DOK6: variants seen among roughly 807,000 people sequenced by gnomAD.
DOK6 encodes the protein downstream of tyrosine kinase 6.
A neutral mutation model predicts 44.0 loss-of-function variants in DOK6; 22 were observed. The ratio of observed to expected loss-of-function variants is 0.50; its 90% CI spans 0.36 to 0.71. DOK6 has a LOEUF of 0.71. DOK6 is among the 30% of genes least tolerant of loss of function. The probability of loss-of-function intolerance (pLI) is 0.00; values close to 1 mark genes in which losing one functional copy is unlikely to be tolerated. For missense variants in DOK6, 340 were observed against 416.4 expected (o/e 0.82, Z 1.60); for synonymous variants, 166 against 145.5 (o/e 1.14, Z -1.01).
At chr18:69,648,439 C>G (rs1985140015) in intron 3 of DOK6, among the ~76,000 whole-genome samples, 2 of 152,018 alleles carry the variant, frequency 1.3e-5, no homozygotes, top group Admixed American at 6.6e-5. Context: ...ACCTCTGAAC[C>G]TAAAATATTT....
chr18:69,756,526 T>A (rs1979361658), intron 6 of DOK6, among the ~76,000 whole-genome samples: 1 of 152,226 alleles, frequency 6.6e-6, no homozygotes, highest in Non-Finnish European at 1.5e-5. Flanking sequence ...GCCTTACTAC[T>A]AAGAAAGTAA....
At chr18:69,736,093 T>A (rs930174709) in intron 5 of DOK6, among the ~76,000 whole-genome samples, 1 of 152,204 alleles carries the variant, frequency 6.6e-6, no homozygotes, top group Non-Finnish European at 1.5e-5. Flanking sequence ...AGTTTGTGAT[T>A]CTTGCTGGCC....
At position 69,456,296 on chromosome 18, in the gene DOK6, C is replaced by T. The variant is rs77614038; in HGVS notation, c.66+54986C>T. 5.4e-4 allele frequency among the ~76,000 whole-genome samples: 82 copies of T among 152,100 alleles called. No homozygotes were observed. In the East Asian group the frequency reaches 0.012, roughly 23 times the overall value. On this transcript the variant is annotated intron_variant, in intron 1 of 7. Transcript: ENST00000382713. ...GCATAGTACCCAATAGGTAATTTTT[C>T]AACCCATGCATCACTCCCTTTCCCC...
intron 1 of DOK6, among the ~76,000 whole-genome samples, chr18:69,560,452 G>A (rs1008043884): frequency 1.3e-5 from 2 of 151,856 alleles, no homozygotes; most frequent in African/African-American, 4.8e-5. Flanking sequence ...AATATAAATA[G>A]TTATATTGCT....
At chr18:69,413,140 C>T (rs185616370) in intron 1 of DOK6, among the ~76,000 whole-genome samples, 264 of 152,206 alleles carry the variant, frequency 1.7e-3, no homozygotes, top group Non-Finnish European at 3.3e-3. Context: ...TTAATAAATT[C>T]CTTTCTGTCT....
chr18:69,448,464 C>T (rs181731563), intron 1 of DOK6, among the ~76,000 whole-genome samples: 28 of 152,250 alleles, frequency 1.8e-4, no homozygotes, highest in South Asian at 2.1e-4. Flanking sequence ...CTCTGCCTCT[C>T]GGGTTCAAGT....
rs1404570634 is a variant in DOK6 at position 69,505,572 on chromosome 18, A to G, written c.67-58915A>G. On this transcript the variant is annotated intron_variant, in intron 1 of 7. Coordinates refer to ENST00000382713, the MANE Select transcript of DOK6 (RefSeq NM_152721.6). ...GAGTGCAATGGTGTAATCTCGGCTCACTGCAACCTCTGCCTCCCAGGTTCA... is the reference window on the plus strand; with the variant it reads ...GAGTGCAATGGTGTAATCTCGGCTCGCTGCAACCTCTGCCTCCCAGGTTCA... Among the ~76,000 whole-genome samples the G allele has an allele frequency of 7.3e-5, 10 of 136,516 alleles. No individual in the cohort carries two copies. In the Admixed American group the frequency reaches 8.7e-4, roughly 12 times the overall value. The allele number at this position is 136,516 out of a possible 152,430, so 89.6% of individuals were successfully genotyped here. A position where few individuals can be genotyped will look rare whatever the true frequency, so the allele number is the denominator to read the frequency against.
intron 5 of DOK6, among the ~76,000 whole-genome samples, chr18:69,706,048 C>G (rs1986625794): frequency 6.6e-6 from 1 of 152,180 alleles, no homozygotes; most frequent in Non-Finnish European, 1.5e-5. Context: ...TTACTGGTCT[C>G]AAGCGAGAGA....
chr18:69,666,931 C>T (rs1188236636), intron 3 of DOK6, among the ~76,000 whole-genome samples: 2 of 152,266 alleles, frequency 1.3e-5, no homozygotes, highest in Non-Finnish European at 2.9e-5. Flanking sequence ...AATAAGTCTG[C>T]CTATCTGCAG....
At chr18:69,480,189 A>T (rs1568271399) in intron 1 of DOK6, among the ~76,000 whole-genome samples, 1 of 152,110 alleles carries the variant, frequency 6.6e-6, no homozygotes, top group East Asian at 1.9e-4. Context: ...TTTAGTTTTT[A>T]AAAAATATTT....
chr18:69,626,340 G>A (rs759027064), intron 3 of DOK6, among the ~76,000 whole-genome samples: 20 of 152,194 alleles, frequency 1.3e-4, no homozygotes, highest in East Asian at 7.7e-4. Flanking sequence ...ACTTCAAACC[G>A]CCTCTCGGTC....
At chr18:69,803,831 C>T (rs889750971) in intron 7 of DOK6, among the ~76,000 whole-genome samples, 3 of 152,086 alleles carry the variant, frequency 2.0e-5, no homozygotes, top group Non-Finnish European at 4.4e-5. Context: ...TGCACTCCAG[C>T]CTGGGCACAG....
chr18:69,455,249 T>C (rs549410808), intron 1 of DOK6, among the ~76,000 whole-genome samples: 17 of 144,678 alleles, frequency 1.2e-4, no homozygotes, highest in African/African-American at 4.1e-4. Context: ...GCACAGAACA[T>C]CATGAAAGAA....
intron 1 of DOK6, among the ~76,000 whole-genome samples, chr18:69,455,229 A>G (rs1293577094): frequency 6.6e-6 from 1 of 151,906 alleles, no homozygotes; most frequent in East Asian, 1.9e-4. Flanking sequence ...AAATTCATTA[A>G]TGTGTAAAAG....
At chr18:69,578,546 T>G in intron 2 of DOK6, among the ~76,000 whole-genome samples, 1 of 152,154 alleles carries the variant, frequency 6.6e-6, no homozygotes, top group Middle Eastern at 3.4e-3. Context: ...TGTTATGACA[T>G]TATTTCCATC....
At chr18:69,747,129 A>G (rs1226390794) in intron 6 of DOK6, among the ~76,000 whole-genome samples, 1 of 152,204 alleles carries the variant, frequency 6.6e-6, no homozygotes, top group African/African-American at 2.4e-5. Flanking sequence ...CAGTAGTATA[A>G]TATATGAAAC....
At chr18:69,411,248 A>C (rs9959572) in intron 1 of DOK6, among the ~76,000 whole-genome samples, 87 of 152,332 alleles carry the variant, frequency 5.7e-4, no homozygotes, top group African/African-American at 2.0e-3. Context: ...TAATGAGAAA[A>C]GATCCAGAAT....
chr18:69,820,067 T>TTAAA (rs1476573775), intron 7 of DOK6, among the ~76,000 whole-genome samples: 2 of 152,192 alleles, frequency 1.3e-5, no homozygotes, highest in African/African-American at 4.8e-5. Context: ...TTTCCTCCTT[T>TTAAA]TTTAAGGCTG....
intron 7 of DOK6, among the ~76,000 whole-genome samples, chr18:69,770,023 A>C (rs1367573603): frequency 6.6e-6 from 1 of 152,170 alleles, no homozygotes; most frequent in South Asian, 2.1e-4. Flanking sequence ...TATGAACAAG[A>C]TATTATGCTA....
Sources: allele counts gnomAD v4.1 joint callset (sites outside exome capture counted in the v4.1 genomes callset), GRCh38; gene constraint gnomAD v4.1.1; transcripts MANE v1.5; gene names NCBI Gene and HGNC (gene_info 2026-07-23, HGNC 2026-07-21).